Variants in DCAF6 observed in about 807,000 individuals in gnomAD.
DCAF6 encodes DDB1 and CUL4 associated factor 6.
A neutral mutation model predicts 125.1 loss-of-function variants in DCAF6; 54 were observed. That is an observed-to-expected ratio of 0.43 (90% CI 0.35 to 0.54). The LOEUF (loss-of-function observed/expected upper bound fraction) is 0.54, where lower values mean the gene tolerates loss of function less well. Among genes scored for constraint, DCAF6 ranks in the 20% least tolerant of loss-of-function variants. The probability of loss-of-function intolerance (pLI) is 0.01; values close to 1 mark genes in which losing one functional copy is unlikely to be tolerated. For synonymous variants in DCAF6, 371 were observed against 390.4 expected (o/e 0.95, Z 0.58); for missense variants, 934 against 1,161.7 (o/e 0.80, Z 2.85).
chr1:167,956,531 C>T (rs1192376918), intron 2 of DCAF6, among the ~76,000 whole-genome samples: 1 of 151,946 alleles, frequency 6.6e-6, no homozygotes, highest in Admixed American at 6.6e-5. Flanking sequence ...TTAATTGTCT[C>T]CGTTGTTTTT....
At chr1:167,915,249 CA>C in the DCAF6 span, among the ~76,000 whole-genome samples, 3 of 152,174 alleles carry the variant, frequency 2.0e-5, no homozygotes, top group African/African-American at 7.2e-5. Flanking sequence ...TGCCATACCA[CA>C]AAAAAAGACT....
intron 12 of DCAF6, among the ~76,000 whole-genome samples, chr1:168,025,928 C>G (rs1686284289): frequency 6.6e-6 from 1 of 152,172 alleles, no homozygotes; most frequent in South Asian, 2.1e-4. Flanking sequence ...GGCCACTATC[C>G]CATCATTCAC....
At chr1:167,923,220 T>C in the DCAF6 span, among the ~76,000 whole-genome samples, 1 of 152,196 alleles carries the variant, frequency 6.6e-6, no homozygotes, top group Admixed American at 6.5e-5. Flanking sequence ...ATTAAAAGTA[T>C]TGACTTAAAC....
At chr1:168,009,277 C>T (rs1190596081) in intron 10 of DCAF6, among the ~76,000 whole-genome samples, 1 of 151,960 alleles carries the variant, frequency 6.6e-6, no homozygotes, top group African/African-American at 2.4e-5. Context: ...GGATTACAGG[C>T]GTGAGCCACT....
chr1:167,899,252 C>T, the DCAF6 span, among the ~76,000 whole-genome samples: 15 of 152,234 alleles, frequency 9.9e-5, no homozygotes, highest in Non-Finnish European at 1.8e-4. Context: ...GCCTGGGCTC[C>T]TCCCAGAGGA....
Position 168,039,331 on chromosome 1 carries a change from T to C in DCAF6, c.1727+843T>C. ...TTCTATATTTGATTTAAAAATACTT[T>C]TAGTATTTAATTGATTATTAGTAAG... is the stretch of plus-strand genomic sequence containing the variant. On this transcript the variant is annotated intron_variant, in intron 13 of 21. Coordinates refer to ENST00000367840, the MANE Select transcript of DCAF6 (RefSeq NM_001198956.2). 2.0e-5 allele frequency among the ~76,000 whole-genome samples: 3 copies of C among 151,852 alleles called. No individual in the cohort carries two copies. The Middle Eastern group carries it at 0.01, about 517-fold the overall frequency.
upstream of DCAF6, among the ~76,000 whole-genome samples, chr1:167,933,495 C>T (rs567926286): frequency 1.3e-3 from 204 of 152,268 alleles, 2 homozygotes; most frequent in South Asian, 0.023. Flanking sequence ...CCTGTCGAGA[C>T]ATACAGTGTC....
At chr1:168,020,129 C>T (rs150163669) in intron 11 of DCAF6, among the ~76,000 whole-genome samples, 37 of 152,238 alleles carry the variant, frequency 2.4e-4, no homozygotes, top group Admixed American at 7.2e-4. Flanking sequence ...TAATGATAAA[C>T]ATTAAATGAC....
the DCAF6 span, chr1:167,919,856 TA>T: frequency 4.0e-5 from 23 of 578,892 alleles, no homozygotes; most frequent in Admixed American, 6.3e-4. Context: ...ATGAATCTTT[TA>T]AAAAAATTAG....
At chr1:167,959,487 C>G (rs1282214749) in intron 2 of DCAF6, among the ~76,000 whole-genome samples, 1 of 152,204 alleles carries the variant, frequency 6.6e-6, no homozygotes, top group East Asian at 1.9e-4. Context: ...ATTTGTCCTT[C>G]AAAGTGACTG....
the DCAF6 span, chr1:167,903,774 T>C: frequency 5.2e-6 from 4 of 767,756 alleles, no homozygotes; most frequent in Non-Finnish European, 7.0e-6. Context: ...ACACATTTCA[T>C]GGGGAAGAGG....
At chr1:167,919,920 AAT>A in the DCAF6 span, 1 of 1,314,588 alleles carries the variant, frequency 7.6e-7, no homozygotes, top group East Asian at 2.4e-5. Context: ...AAAAAAAAAA[AAT>A]TAGTGCCATC....
At chr1:167,975,222 A>G (rs1677966911) in intron 4 of DCAF6, among the ~76,000 whole-genome samples, 1 of 152,196 alleles carries the variant, frequency 6.6e-6, no homozygotes, top group Admixed American at 6.5e-5. Flanking sequence ...AAGAAATAAG[A>G]TGCAAGTAAT....
At chr1:168,049,932 G>A (rs112331438) in intron 16 of DCAF6, among the ~76,000 whole-genome samples, 64 of 151,054 alleles carry the variant, frequency 4.2e-4, no homozygotes, top group African/African-American at 1.5e-3. Flanking sequence ...TGGGATTACC[G>A]GCATGAGCCA....
At chr1:167,864,699 G>C in the DCAF6 span, among the ~76,000 whole-genome samples, 1 of 152,064 alleles carries the variant, frequency 6.6e-6, no homozygotes, top group Admixed American at 6.6e-5. Flanking sequence ...TAAAAGCCAA[G>C]GTAAATTTAA....
the DCAF6 span, chr1:167,879,982 C>T: frequency 1.3e-6 from 1 of 766,788 alleles, no homozygotes; most frequent in Non-Finnish European, 2.3e-6. Context: ...TGGCTTGGCT[C>T]CATCTGGAAG....
chr1:167,918,361 T>A, the DCAF6 span: 1 of 1,521,290 alleles, frequency 6.6e-7, no homozygotes, highest in Non-Finnish European at 9.1e-7. Flanking sequence ...TGGTTATATC[T>A]ATAAAGAAAA....
At chr1:167,889,530 G>A in the DCAF6 span, among the ~76,000 whole-genome samples, 1 of 152,162 alleles carries the variant, frequency 6.6e-6, no homozygotes, top group East Asian at 1.9e-4. Flanking sequence ...CTGGCCTGTA[G>A]CTTTCTTTTT....
chr1:167,894,021 C>G, the DCAF6 span: 1 of 978,078 alleles, frequency 1.0e-6, no homozygotes, highest in South Asian at 1.3e-5. Context: ...CTCCCAGTCC[C>G]TATTCTCTTG....
Sources: gnomAD v4.1 joint callset for allele counts (sites outside exome capture counted in the v4.1 genomes callset) on GRCh38, gnomAD v4.1.1 for gene constraint, MANE v1.5 for transcripts, NCBI Gene and HGNC (gene_info 2026-07-23, HGNC 2026-07-21) for gene names.